Variants in DNAH7 observed in about 807,000 individuals in gnomAD.
The protein encoded by DNAH7 is axonemal beta dynein heavy chain 7.
In DNAH7, 397 loss-of-function variants were observed where a neutral mutation model predicts 444.6. The ratio of observed to expected loss-of-function variants is 0.89; its 90% CI spans 0.82 to 0.97. DNAH7 has a LOEUF of 0.97. Ranked by LOEUF, DNAH7 falls within the 50% of genes least tolerant of loss-of-function variation. The pLI is 0.00. For missense variants in DNAH7, 4,902 were observed against 4,800.8 expected (o/e 1.02, Z -0.62); for synonymous variants, 1,636 against 1,624.4 (o/e 1.01, Z -0.17).
rs763907927 is a variant in DNAH7, at chr2:195,897,659, G to T, written c.4647+8C>A. ...GTTTTGATGCATTGGGATAATGAAT[G>T]TTCTTACCTCAAAGAGTGGTAAATC... On this transcript the variant is annotated splice_region_variant and intron_variant, in intron 29 of 64. Coordinates refer to ENST00000312428, the MANE Select transcript of DNAH7 (RefSeq NM_018897.3). 1 of 1,516,404 alleles carries T rather than the reference G, an allele frequency of 6.6e-7. No individual in the cohort carries two copies. Among genetic ancestry groups the T allele is most frequent in the Admixed American group, 1.8e-5 (1 of 56,220 alleles). The allele number at this position is 1,516,404 out of a possible 1,614,324, so 93.9% of individuals were successfully genotyped here. A position where few individuals can be genotyped will look rare whatever the true frequency, so the allele number is the denominator to read the frequency against.
intron 4 of DNAH7, 129 bp from the exon 5 acceptor site, chr2:196,047,628 T>C: frequency 8.8e-6 from 6 of 682,922 alleles, no homozygotes; most frequent in Non-Finnish European, 1.2e-5. Flanking sequence ...ATCCTAAGTA[T>C]AATTTTTTTT....
At chr2:195,959,397 A>G (rs1293906165) in intron 18 of DNAH7, among the ~76,000 whole-genome samples, 3 of 152,182 alleles carry the variant, frequency 2.0e-5, no homozygotes, top group Non-Finnish European at 4.4e-5. Flanking sequence ...GATATCACGC[A>G]TAGTCCCTTA....
intron 15 of DNAH7, among the ~76,000 whole-genome samples, chr2:195,982,950 T>C (rs966863871): frequency 6.6e-6 from 1 of 152,164 alleles, no homozygotes; most frequent in Non-Finnish European, 1.5e-5. Flanking sequence ...AATAATTTAA[T>C]TGTACATTTT....
At chr2:195,980,905 A>G (rs1160809541) in intron 15 of DNAH7, among the ~76,000 whole-genome samples, 1 of 152,164 alleles carries the variant, frequency 6.6e-6, no homozygotes, top group African/African-American at 2.4e-5. Flanking sequence ...GAATGGGGAA[A>G]AACTGAAAGC....
chr2:195,855,636 T>C (rs1439126253), intron 45 of DNAH7, among the ~76,000 whole-genome samples, 175 bp downstream of exon 45: 4 of 152,136 alleles, frequency 2.6e-5, no homozygotes, highest in Non-Finnish European at 4.4e-5. Flanking sequence ...TCAAAACCAT[T>C]ATTAGCTCTT....
Position 195,890,686 on chromosome 2 carries a change from G to A in DNAH7, c.5046+969C>T, listed in dbSNP as rs1453234926. 8.5e-5 allele frequency among the ~76,000 whole-genome samples: 13 copies of A among 152,074 alleles called. No homozygotes were observed. In the East Asian group the frequency reaches 2.3e-3, roughly 27 times the overall value. ...ATTTCTTTTATCCTTGAAATTACTA[G>A]TAACACTTGACTTTGGGCAAGATCT... On this transcript the variant is annotated intron_variant, in intron 31 of 64. Transcript: ENST00000312428.
intron 48 of DNAH7, among the ~76,000 whole-genome samples, chr2:195,830,623 C>T (rs1698019704): frequency 6.6e-6 from 1 of 152,156 alleles, no homozygotes; most frequent in South Asian, 2.1e-4. Flanking sequence ...GTTGGTACTT[C>T]ATTGAAGGGG....
chr2:196,036,840 C>A (rs1179429098), intron 5 of DNAH7, among the ~76,000 whole-genome samples: 2 of 152,218 alleles, frequency 1.3e-5, no homozygotes, highest in African/African-American at 2.4e-5. Context: ...CATGCTCTGC[C>A]TAGAGACCTA....
In DNAH7 at chr2:196,024,496, CA is replaced by C; in HGVS notation, c.675del (p.Phe225LeufsTer3). ...LLSVRKSIVD[F>X]VLKDPREKGD... Reference sequence around the variant, plus strand: ...CCTTTCTCTCGAGGATCTTTTAAAACAAAATCAACTAAAAGAAAATTTTAAA... The same window carrying C: ...CCTTTCTCTCGAGGATCTTTTAAAACAAATCAACTAAAAGAAAATTTTAAA... On this transcript the variant is annotated frameshift_variant, in exon 8 of 65. Coordinates refer to ENST00000312428, the MANE Select transcript of DNAH7 (RefSeq NM_018897.3). LOFTEE classifies it high-confidence loss of function. 1 of 1,568,626 alleles carries C rather than the reference CA, an allele frequency of 6.4e-7. No individual in the cohort carries two copies. The highest frequency in any genetic ancestry group is 8.6e-7 in the Non-Finnish European group (1 of 1,159,406).
chr2:195,791,891 G>A (rs578138696), intron 57 of DNAH7, among the ~76,000 whole-genome samples: 1 of 152,276 alleles, frequency 6.6e-6, no homozygotes, highest in East Asian at 1.9e-4. Context: ...AATAGGCCAG[G>A]TGCAGTGGCT....
At chr2:196,017,613 C>G (rs1317107253) in intron 9 of DNAH7, among the ~76,000 whole-genome samples, 1 of 151,918 alleles carries the variant, frequency 6.6e-6, no homozygotes, top group Admixed American at 6.6e-5. Flanking sequence ...AATAGAGAAT[C>G]CAGAAAGACA....
At chr2:195,817,915 T>C (rs1306379367) in intron 49 of DNAH7, 86 bp from the exon 50 acceptor site, 34 of 989,780 alleles carry the variant, frequency 3.4e-5, no homozygotes, top group Non-Finnish European at 4.7e-5. Flanking sequence ...GCCCTTAAAA[T>C]AGACTCTATT....
At chr2:195,951,531 T>C (rs1690258068) in intron 19 of DNAH7, among the ~76,000 whole-genome samples, 1 of 151,958 alleles carries the variant, frequency 6.6e-6, no homozygotes, top group South Asian at 2.1e-4. Context: ...TCTAATACTG[T>C]GGGGTGCTAA....
At chr2:195,873,735 A>T (rs370215223) in intron 38 of DNAH7, 41 bp from the exon 39 acceptor site, 1 of 1,410,626 alleles carries the variant, frequency 7.1e-7, no homozygotes, top group Non-Finnish European at 9.5e-7. Context: ...TGTTACTAGT[A>T]TATACAAGAG....
At chr2:195,748,133 A>C (rs1343730967) in intron 63 of DNAH7, among the ~76,000 whole-genome samples, 1 of 152,236 alleles carries the variant, frequency 6.6e-6, no homozygotes, top group African/African-American at 2.4e-5. Context: ...CAACTTCAGC[A>C]ATGTCTCAGG....
chr2:195,797,395 C>T (rs148919712), intron 55 of DNAH7, among the ~76,000 whole-genome samples: 1 of 152,164 alleles, frequency 6.6e-6, no homozygotes, highest in Admixed American at 6.5e-5. Flanking sequence ...CTTATTGTCA[C>T]TAGCTGGTAG....
chr2:196,068,807 G>C lies in DNAH7; in HGVS notation c.-96C>G. The C allele has an allele frequency of 6.8e-7, 1 of 1,478,182 alleles. No individual in the cohort carries two copies. Among genetic ancestry groups the C allele is most frequent in the South Asian group, 1.2e-5 (1 of 80,006 alleles). The allele number at this position is 1,478,182 out of a possible 1,614,324, so 91.6% of individuals were successfully genotyped here. On this transcript the variant is annotated 5_prime_UTR_variant, in exon 1 of 65. Transcript: ENST00000312428. Reference sequence around the variant, plus strand: ...GAGGCAGGGCCCCGGGACTTGCAGCGGTCTCAGCTCCCTCCGCACCAGAGC... The same window carrying C: ...GAGGCAGGGCCCCGGGACTTGCAGCCGTCTCAGCTCCCTCCGCACCAGAGC...
intron 2 of DNAH7, among the ~76,000 whole-genome samples, chr2:196,056,715 A>T (rs935150349): frequency 6.6e-6 from 1 of 152,192 alleles, no homozygotes; most frequent in Non-Finnish European, 1.5e-5. Flanking sequence ...TTGATAGCCC[A>T]TGGTTGTGTG....
chr2:195,988,247 A>C lies in DNAH7; in HGVS notation c.1354-18T>G, dbSNP rs201171460. 33 of 1,558,180 alleles carry C rather than the reference A, an allele frequency of 2.1e-5. No homozygotes were observed. The highest frequency in any genetic ancestry group is 1.0e-4 in the Admixed American group (5 of 47,842). On this transcript the variant is annotated intron_variant, in intron 12 of 64. Transcript: ENST00000312428. ...TTACTTTCCTAAACAAGGGGGTAAA[A>C]ATAATAGTATTTAAAATATCTTAAA... is the stretch of plus-strand genomic sequence containing the variant.
Sources: allele counts gnomAD v4.1 joint callset (sites outside exome capture counted in the v4.1 genomes callset), GRCh38; gene constraint gnomAD v4.1.1; transcripts MANE v1.5; gene names NCBI Gene and HGNC (gene_info 2026-07-23, HGNC 2026-07-21).